Variants in SRGAP2 observed in about 807,000 individuals in gnomAD.
SRGAP2 encodes the protein SLIT-ROBO Rho GTPase-activating protein 2.
A neutral mutation model predicts 57.2 loss-of-function variants in SRGAP2; 15 were observed. That is an observed-to-expected ratio of 0.26 (90% CI 0.18 to 0.40). The LOEUF (loss-of-function observed/expected upper bound fraction) is 0.40, where lower values mean the gene tolerates loss of function less well. Ranked by LOEUF, SRGAP2 falls within the 10% of genes least tolerant of loss-of-function variation. The pLI is 1.00. For synonymous variants in SRGAP2, 249 were observed against 248.0 expected (o/e 1.00, Z -0.04); for missense variants, 520 against 669.6 (o/e 0.78, Z 2.47).
chr1:206,257,746 ATATATATATAC>A (rs1370326203), intron 2 of SRGAP2, among the ~76,000 whole-genome samples: 3 of 112,660 alleles, frequency 2.7e-5, no homozygotes, highest in African/African-American at 1.0e-4. Context: ...ATATATATAC[ATATATATATAC>A]TATATATATA....
At chr1:206,446,364 T>A in intron 18 of SRGAP2, 65 bp downstream of exon 18, 1 of 764,368 alleles carries the variant, frequency 1.3e-6, no homozygotes, top group South Asian at 1.4e-5. Context: ...GGGAGCCAGA[T>A]GGCCACACGA....
chr1:206,208,817 G>A (rs1206189527), intron 2 of SRGAP2, among the ~76,000 whole-genome samples: 12 of 151,926 alleles, frequency 7.9e-5, no homozygotes, highest in African/African-American at 2.9e-4. Context: ...ATGCAGTTTG[G>A]TTTGGTTGTT....
rs1664323801 is a variant in SRGAP2 at position 206,462,289 on chromosome 1, C to A, written c.*869C>A. On this transcript the variant is annotated 3_prime_UTR_variant, in exon 23 of 23. Coordinates refer to ENST00000573034, the MANE Select transcript of SRGAP2 (RefSeq NM_015326.5). Reference sequence around the variant, plus strand: ...TGTATAGACATTTCTCGGGTTCCTACCTTTGTCTCTGATGGACCATTTTCC... The same window carrying A: ...TGTATAGACATTTCTCGGGTTCCTAACTTTGTCTCTGATGGACCATTTTCC... 6.6e-6 allele frequency: 1 copy of A among 152,588 alleles called. No homozygotes were observed. The highest frequency in any genetic ancestry group is 1.5e-5 in the Non-Finnish European group (1 of 68,038). The allele number at this position is 152,588 out of a possible 1,614,324, so 9.5% of individuals were successfully genotyped here.
At chr1:206,276,614 C>T (rs1256596095) in intron 2 of SRGAP2, among the ~76,000 whole-genome samples, 4 of 151,770 alleles carry the variant, frequency 2.6e-5, no homozygotes, top group Non-Finnish European at 4.4e-5. Flanking sequence ...CAGATTAACC[C>T]GTTCCTCTAT....
At position 206,260,411 on chromosome 1, in the gene SRGAP2, C is replaced by T. The variant is rs180982140; in HGVS notation, c.68-42870C>T. 1.9e-3 allele frequency among the ~76,000 whole-genome samples: 287 copies of T among 152,208 alleles called. 3 individuals are homozygous for T. The highest frequency in any genetic ancestry group is 6.7e-3 in the African/African-American group (280 of 41,520). ...TTTTTTTGAAAGGCATATATGTTGA[C>T]GAGTATTATTTCCACTCCTGTCTGG... On this transcript the variant is annotated intron_variant, in intron 2 of 22. Transcript: ENST00000573034.
At chr1:206,365,897 TG>T (rs1412754030) in intron 4 of SRGAP2, among the ~76,000 whole-genome samples, 2 of 151,170 alleles carry the variant, frequency 1.3e-5, no homozygotes, top group Non-Finnish European at 2.9e-5. Context: ...GGGAAAGAAC[TG>T]AAGTTTTCAG....
intron 5 of SRGAP2, among the ~76,000 whole-genome samples, chr1:206,388,266 G>A (rs1425468685): frequency 1.3e-5 from 2 of 152,212 alleles, no homozygotes; most frequent in Non-Finnish European, 2.9e-5. Context: ...CAGCGGCTGT[G>A]TGCTGGCAGA....
intron 2 of SRGAP2, among the ~76,000 whole-genome samples, chr1:206,279,348 T>C (rs1670593664): frequency 1.5e-5 from 1 of 68,874 alleles, no homozygotes; most frequent in Non-Finnish European, 2.6e-5. Context: ...TTGACATTAT[T>C]TTAGTTAATT....
chr1:206,382,851 C>A (rs1206440836), intron 4 of SRGAP2, among the ~76,000 whole-genome samples: 1 of 151,868 alleles, frequency 6.6e-6, no homozygotes, highest in Non-Finnish European at 1.5e-5. Context: ...CATTTTGATA[C>A]CCGAATTTCT....
intron 14 of SRGAP2, among the ~76,000 whole-genome samples, chr1:206,436,496 A>G (rs1661772299): frequency 6.6e-6 from 1 of 151,470 alleles, no homozygotes; most frequent in Non-Finnish European, 1.5e-5. Flanking sequence ...GACTACAGGC[A>G]TGCTATAAGC....
chr1:206,272,939 A>T (rs1357573330), intron 2 of SRGAP2, among the ~76,000 whole-genome samples: 3 of 152,296 alleles, frequency 2.0e-5, no homozygotes, highest in South Asian at 4.1e-4. Flanking sequence ...CATTTAAAAT[A>T]ACATTTCCTG....
chr1:206,348,255 C>G (rs1485725600), intron 4 of SRGAP2, among the ~76,000 whole-genome samples: 2 of 151,532 alleles, frequency 1.3e-5, no homozygotes, highest in African/African-American at 4.9e-5. Flanking sequence ...TTTGGTGCTC[C>G]TGACATCTCC....
At chr1:206,268,081 A>ATTTTT (rs71568075) in intron 2 of SRGAP2, among the ~76,000 whole-genome samples, 2 of 145,256 alleles carry the variant, frequency 1.4e-5, no homozygotes, top group African/African-American at 2.6e-5. Context: ...ATATATATAT[A>ATTTTT]TTTTTTTTTT....
chr1:206,424,293 G>A (rs113081244), intron 13 of SRGAP2, among the ~76,000 whole-genome samples: 2 of 152,100 alleles, frequency 1.3e-5, no homozygotes, highest in African/African-American at 4.8e-5. Context: ...AAGGAATTAA[G>A]CTGACAAGGA....
intron 4 of SRGAP2, among the ~76,000 whole-genome samples, chr1:206,365,517 C>T (rs1476513954): frequency 1.3e-5 from 2 of 149,368 alleles, no homozygotes; most frequent in Admixed American, 6.7e-5. Context: ...ACATTCAAAT[C>T]AGCTCCTAAG....
intron 2 of SRGAP2, among the ~76,000 whole-genome samples, chr1:206,266,965 A>ATTTTT: frequency 1.1e-5 from 1 of 93,568 alleles, no homozygotes; most frequent in East Asian, 5.2e-4. Context: ...AGCAAAACTT[A>ATTTTT]CTTTTTTTTT....
At chr1:206,428,695 C>G (rs921877202) in intron 13 of SRGAP2, among the ~76,000 whole-genome samples, 2 of 152,158 alleles carry the variant, frequency 1.3e-5, no homozygotes, top group Non-Finnish European at 1.5e-5. Flanking sequence ...CAGGGTCCCG[C>G]TCCATCACCC....
intron 4 of SRGAP2, among the ~76,000 whole-genome samples, chr1:206,360,217 T>C (rs1676803966): frequency 6.7e-6 from 1 of 149,778 alleles, no homozygotes; most frequent in African/African-American, 2.5e-5. Flanking sequence ...TTGAGGAAGG[T>C]ATTTCAGGCA....
At chr1:206,288,453 G>T in intron 2 of SRGAP2, among the ~76,000 whole-genome samples, 7 of 77,840 alleles carry the variant, frequency 9.0e-5, no homozygotes, top group Admixed American at 2.9e-4. Flanking sequence ...TTTTTGCCTT[G>T]GCAATTTTCT....
Sources: gnomAD v4.1 joint callset for allele counts (sites outside exome capture counted in the v4.1 genomes callset) on GRCh38, gnomAD v4.1.1 for gene constraint, MANE v1.5 for transcripts, NCBI Gene and HGNC (gene_info 2026-07-23, HGNC 2026-07-21) for gene names.